Variants in GOLM1 observed in about 807,000 individuals in gnomAD.
GOLM1 encodes epididymis luminal protein 46.
GOLM1 carries 31 observed loss-of-function variants against 50.5 expected under a neutral mutation model. The observed-to-expected ratio is 0.61, with a 90% CI of 0.46 to 0.83. The LOEUF (loss-of-function observed/expected upper bound fraction) is 0.83. Ranked by LOEUF, GOLM1 falls within the 40% of genes least tolerant of loss-of-function variation. GOLM1 has a pLI of 0.00. For missense variants in GOLM1, 491 were observed against 501.3 expected (o/e 0.98, Z 0.20); for synonymous variants, 178 against 192.8 (o/e 0.92, Z 0.64).
In GOLM1 at chr9:86,079,349, G is replaced by C. The variant is rs766102078; in HGVS notation, c.-21-8C>G. ...AAAATCAGCGCTGAGAATCTGCCAA[G>C]TAAAAGCAAATAAATAAACATCAAT... On this transcript the variant is annotated splice_polypyrimidine_tract_variant and splice_region_variant and intron_variant, in intron 1 of 9. Coordinates refer to ENST00000388712, the MANE Select transcript of GOLM1 (RefSeq NM_016548.4). 1.1e-5 allele frequency: 17 copies of C among 1,561,442 alleles called. No homozygotes were observed. In the South Asian group the frequency reaches 2.0e-4, roughly 18 times the overall value.
intron 6 of GOLM1, chr9:86,036,720 T>C: frequency 3.5e-6 from 2 of 578,924 alleles, no homozygotes; most frequent in Non-Finnish European, 6.1e-6. Flanking sequence ...CAGAAAGTAC[T>C]GTCAATACAG....
chr9:86,063,255 A>C (rs547729339), intron 3 of GOLM1, among the ~76,000 whole-genome samples: 1 of 152,368 alleles, frequency 6.6e-6, no homozygotes, highest in African/African-American at 2.4e-5. Context: ...TTAACCAGCC[A>C]GGAAATGCCC....
intron 3 of GOLM1, among the ~76,000 whole-genome samples, chr9:86,066,100 A>G (rs961696728): frequency 6.6e-6 from 1 of 152,190 alleles, no homozygotes; most frequent in Non-Finnish European, 1.5e-5. Flanking sequence ...AGTAGGACCA[A>G]TGACCAGACT....
At chr9:86,044,415 G>C (rs1397167831) in intron 5 of GOLM1, among the ~76,000 whole-genome samples, 1 of 152,196 alleles carries the variant, frequency 6.6e-6, no homozygotes, top group Non-Finnish European at 1.5e-5. Flanking sequence ...GGAGGAACAT[G>C]GAAATGCCGA....
intron 3 of GOLM1, among the ~76,000 whole-genome samples, chr9:86,074,703 A>G (rs1300156808): frequency 1.3e-5 from 2 of 152,164 alleles, no homozygotes; most frequent in Non-Finnish European, 2.9e-5. Flanking sequence ...GCTGGGAGGA[A>G]TTAATGAAAC....
chr9:86,082,720 G>A (rs762271206), intron 1 of GOLM1, among the ~76,000 whole-genome samples: 3 of 152,204 alleles, frequency 2.0e-5, no homozygotes, highest in African/African-American at 7.2e-5. Flanking sequence ...GAGTACAGGC[G>A]TGAGCCATCA....
intron 7 of GOLM1, 65 bp from the exon 8 acceptor site, chr9:86,035,690 A>G: frequency 7.0e-7 from 1 of 1,419,242 alleles, no homozygotes. Context: ...AAAAAAAAAA[A>G]AAAGCAAAAC....
At chr9:86,029,633 CT>C (rs11350160) in intron 9 of GOLM1, among the ~76,000 whole-genome samples, 121,292 of 152,176 alleles carry the variant, frequency 0.8, 49,118 homozygotes, top group African/African-American at 0.95. Flanking sequence ...GTTAAAGGCT[CT>C]TAATAAAGTT....
In GOLM1 at chr9:86,033,834, G is replaced by A. The variant is rs145252736; in HGVS notation, c.1016-439C>T. ...TGTCCCTCATACTTAGAGCATGAGA[G>A]CACCCATTACTCTATTCTTCCCTGG... On this transcript the variant is annotated intron_variant, in intron 8 of 9. Coordinates refer to ENST00000388712, the MANE Select transcript of GOLM1 (RefSeq NM_016548.4). Among the ~76,000 whole-genome samples the A allele has an allele frequency of 5.1e-3, 784 of 152,302 alleles. 4 individuals are homozygous for A. Among genetic ancestry groups the A allele is most frequent in the African/African-American group, 0.018 (748 of 41,572 alleles).
At chr9:86,059,737 A>C (rs1442809935) in intron 3 of GOLM1, among the ~76,000 whole-genome samples, 1 of 152,000 alleles carries the variant, frequency 6.6e-6, no homozygotes, top group Non-Finnish European at 1.5e-5. Flanking sequence ...TCTACTAAAA[A>C]TACAAAAATT....
At chr9:86,071,983 C>A (rs1314634151) in intron 3 of GOLM1, among the ~76,000 whole-genome samples, 2 of 152,084 alleles carry the variant, frequency 1.3e-5, no homozygotes, top group Non-Finnish European at 2.9e-5. Context: ...GAGGGTACAG[C>A]AGTGAGAAAG....
intron 5 of GOLM1, among the ~76,000 whole-genome samples, chr9:86,042,123 A>G (rs1040941852): frequency 2.6e-5 from 4 of 152,232 alleles, no homozygotes; most frequent in Admixed American, 2.0e-4. Context: ...TCTCAAAAAA[A>G]ACAAAACAAA....
At chr9:86,027,930 T>A in intron 9 of GOLM1, 37 bp from the exon 10 acceptor site, 2 of 1,256,528 alleles carry the variant, frequency 1.6e-6, no homozygotes, top group Non-Finnish European at 2.3e-6. Context: ...TATAGAGTAT[T>A]AAATGAGATA....
At chr9:86,054,084 C>T (rs1275912919) in intron 3 of GOLM1, among the ~76,000 whole-genome samples, 4 of 152,166 alleles carry the variant, frequency 2.6e-5, no homozygotes, top group African/African-American at 9.7e-5. Context: ...CACACAGTCT[C>T]ACCATGCTGG....
At chr9:86,081,991 C>G (rs1240930901) in intron 1 of GOLM1, among the ~76,000 whole-genome samples, 1 of 149,618 alleles carries the variant, frequency 6.7e-6, no homozygotes, top group African/African-American at 2.5e-5. Context: ...CAGTGGTCCT[C>G]AACACTCAAG....
intron 3 of GOLM1, among the ~76,000 whole-genome samples, chr9:86,068,733 C>G (rs1834373223): frequency 6.6e-6 from 1 of 152,212 alleles, no homozygotes; most frequent in African/African-American, 2.4e-5. Flanking sequence ...TTGGGGATAA[C>G]CTGATATGCA....
chr9:86,036,357 C>A lies in GOLM1; in HGVS notation c.748G>T (p.Val250Phe). 6.2e-7 allele frequency: 1 copy of A among 1,614,256 alleles called. No homozygotes were observed. The change falls in exon 7 of 10, where the codon GTT becomes TTT. Residue 250 changes from valine to phenylalanine, a missense_variant. Transcript: ENST00000388712. ...GCTGGGCTCTGCTTACCTTTCTCAACTTGTCTCTTTGAATCCAAAACCACT... is the reference window on the plus strand; with the variant it reads ...GCTGGGCTCTGCTTACCTTTCTCAAATTGTCTCTTTGAATCCAAAACCACT... ...SEVVLDSKRQ[V>F]EKEETNEIQV...
intron 8 of GOLM1, among the ~76,000 whole-genome samples, chr9:86,033,669 A>AT (rs1275066060): frequency 6.6e-6 from 1 of 152,146 alleles, no homozygotes; most frequent in Non-Finnish European, 1.5e-5. Context: ...CCAAATCTCA[A>AT]TTTTTTAAAG....
intron 1 of GOLM1, among the ~76,000 whole-genome samples, chr9:86,093,934 G>A (rs1458549419): frequency 1.3e-5 from 2 of 152,184 alleles, no homozygotes; most frequent in African/African-American, 4.8e-5. Context: ...AACAGTGGTG[G>A]AGCCACACCT....
Sources: gnomAD v4.1 joint callset for allele counts (sites outside exome capture counted in the v4.1 genomes callset) on GRCh38, gnomAD v4.1.1 for gene constraint, MANE v1.5 for transcripts, NCBI Gene and HGNC (gene_info 2026-07-23, HGNC 2026-07-21) for gene names.